CNTNAP2: variants seen among roughly 807,000 people sequenced by gnomAD.
CNTNAP2 encodes contactin-associated protein-like 2.
In CNTNAP2, 98 loss-of-function variants were observed where a neutral mutation model predicts 155.2. The observed-to-expected ratio is 0.63, with a 90% CI of 0.54 to 0.75. The LOEUF (loss-of-function observed/expected upper bound fraction) is 0.75, where lower values mean the gene tolerates loss of function less well. Among genes scored for constraint, CNTNAP2 ranks in the 30% least tolerant of loss-of-function variants. The pLI is 0.00. For synonymous variants in CNTNAP2, 651 were observed against 631.2 expected, an observed-to-expected ratio of 1.03 and a Z score of -0.47; for missense variants, 1,727 against 1,688.1, an observed-to-expected ratio of 1.02 and a Z score of -0.40.
intron 9 of CNTNAP2, among the ~76,000 whole-genome samples, chr7:147,341,697 T>G (rs1795766114): frequency 6.6e-6 from 1 of 151,798 alleles, no homozygotes; most frequent in Admixed American, 6.6e-5. Context: ...TGATGATTTT[T>G]TTTTTAATAT....
chr7:146,935,804 T>C (rs536186433), intron 3 of CNTNAP2, among the ~76,000 whole-genome samples: 68 of 152,290 alleles, frequency 4.5e-4, no homozygotes, highest in African/African-American at 1.6e-3. Flanking sequence ...GACTACTTAA[T>C]CAAGCGAGTA....
intron 21 of CNTNAP2, among the ~76,000 whole-genome samples, chr7:148,351,057 T>G (rs1798416689): frequency 6.6e-6 from 1 of 152,186 alleles, no homozygotes; most frequent in Admixed American, 6.5e-5. Flanking sequence ...TCAGGGGGCT[T>G]CTTATTCGTG....
chr7:147,607,131 G>A (rs939786434), intron 12 of CNTNAP2, among the ~76,000 whole-genome samples: 4 of 152,110 alleles, frequency 2.6e-5, no homozygotes, highest in African/African-American at 4.8e-5. Flanking sequence ...TCCTCACAAT[G>A]GGGGCTGCTG....
At chr7:146,226,822 T>G (rs2116906141) in intron 1 of CNTNAP2, among the ~76,000 whole-genome samples, 1 of 152,166 alleles carries the variant, frequency 6.6e-6, no homozygotes, top group South Asian at 2.1e-4. Context: ...GAGGGGAAAT[T>G]TTTAATTAAG....
chr7:147,426,117 G>C (rs776507367), intron 10 of CNTNAP2, among the ~76,000 whole-genome samples: 27 of 151,782 alleles, frequency 1.8e-4, no homozygotes, highest in Non-Finnish European at 3.1e-4. Context: ...GTCAGTAATA[G>C]GGCTGAATAT....
intron 15 of CNTNAP2, 165 bp downstream of exon 15, chr7:147,978,154 G>C (rs1801463730): frequency 5.3e-6 from 5 of 951,486 alleles, no homozygotes; most frequent in South Asian, 1.4e-5. Flanking sequence ...CAGCCATAAA[G>C]CCTCCAGTAC....
intron 13 of CNTNAP2, among the ~76,000 whole-genome samples, chr7:147,869,785 G>T (rs1011851171): frequency 1.3e-5 from 2 of 152,130 alleles, no homozygotes; most frequent in South Asian, 2.1e-4. Flanking sequence ...CAGATAATAA[G>T]TTTGTGCCAA....
chr7:146,163,585 C>CTATCTATATATATATATATATATATA (rs1354076042), intron 1 of CNTNAP2, among the ~76,000 whole-genome samples: 6 of 91,224 alleles, frequency 6.6e-5, no homozygotes, highest in African/African-American at 2.4e-4. Context: ...ATCTATCTAT[C>CTATCTATATATATATATATATATATA]TATATATATA....
chr7:146,617,748 A>T (rs1799250024), intron 1 of CNTNAP2, among the ~76,000 whole-genome samples: 1 of 152,222 alleles, frequency 6.6e-6, no homozygotes, highest in Non-Finnish European at 1.5e-5. Flanking sequence ...AATAGTGACT[A>T]AAGTGAAACA....
chr7:146,155,717 G>A (rs533130574), intron 1 of CNTNAP2, among the ~76,000 whole-genome samples: 10 of 142,378 alleles, frequency 7.0e-5, no homozygotes, highest in Non-Finnish European at 1.3e-4. Context: ...ATTATTATTC[G>A]AAATGGAGTC....
chr7:147,807,341 A>G (rs1054808684), intron 13 of CNTNAP2, among the ~76,000 whole-genome samples: 1 of 150,716 alleles, frequency 6.6e-6, no homozygotes, highest in Admixed American at 6.6e-5. Context: ...AAAAAAAAAA[A>G]AAAACGAAAA....
At chr7:147,696,582 T>C (rs1796164902) in intron 13 of CNTNAP2, among the ~76,000 whole-genome samples, 1 of 152,128 alleles carries the variant, frequency 6.6e-6, no homozygotes, top group South Asian at 2.1e-4. Context: ...GTGTCTTCCC[T>C]TAATCATTCT....
chr7:148,063,471 T>A (rs1356709701), intron 15 of CNTNAP2, among the ~76,000 whole-genome samples: 3 of 151,932 alleles, frequency 2.0e-5, no homozygotes, highest in Non-Finnish European at 4.4e-5. Flanking sequence ...GTAGCTTTTT[T>A]TTCCTCTGTT....
At chr7:147,787,622 G>A (rs879463583) in intron 13 of CNTNAP2, among the ~76,000 whole-genome samples, 10 of 152,148 alleles carry the variant, frequency 6.6e-5, no homozygotes, top group Non-Finnish European at 1.0e-4. Flanking sequence ...AGTATGAGGA[G>A]GTAATTTTTT....
At chr7:146,861,603 G>T (rs1302062149) in intron 3 of CNTNAP2, among the ~76,000 whole-genome samples, 1 of 151,776 alleles carries the variant, frequency 6.6e-6, no homozygotes. Context: ...CTCTTAGCAG[G>T]GGGTAACCAT....
intron 11 of CNTNAP2, among the ~76,000 whole-genome samples, chr7:147,527,195 T>G (rs1232448554): frequency 2.0e-5 from 3 of 151,786 alleles, no homozygotes; most frequent in Non-Finnish European, 4.4e-5. Context: ...GCTAATTTTC[T>G]TGTATTTTTA....
intron 15 of CNTNAP2, among the ~76,000 whole-genome samples, chr7:148,094,249 T>C (rs1803913221): frequency 6.6e-6 from 1 of 152,244 alleles, no homozygotes; most frequent in South Asian, 2.1e-4. Context: ...TATTTTTTAA[T>C]GTTTTGTGAA....
chr7:147,931,282 GA>G (rs1276096076), intron 14 of CNTNAP2, among the ~76,000 whole-genome samples: 3 of 148,588 alleles, frequency 2.0e-5, no homozygotes, highest in South Asian at 2.1e-4. Context: ...AAAAAAAAGA[GA>G]AAAAAACTCA....
At position 146,155,292 on chromosome 7, in the gene CNTNAP2, G is replaced by A. The variant is rs556938951; in HGVS notation, c.97+38319G>A. Among the ~76,000 whole-genome samples the A allele has an allele frequency of 8.5e-5, 13 of 152,210 alleles. No individual in the cohort carries two copies. The East Asian group carries it at 2.5e-3, about 29-fold the overall frequency. On this transcript the variant is annotated intron_variant, in intron 1 of 23. Coordinates refer to ENST00000361727, the MANE Select transcript of CNTNAP2 (RefSeq NM_014141.6). The stretch of plus-strand genomic sequence containing the variant: ...ACCGATACTAGTTTTGTTGTTTAAG[G>A]CATTTAATCTAAGTTGACTTCCCCA...
Sources: gnomAD v4.1 joint callset for allele counts (sites outside exome capture counted in the v4.1 genomes callset) on GRCh38, gnomAD v4.1.1 for gene constraint, MANE v1.5 for transcripts, NCBI Gene and HGNC (gene_info 2026-07-23, HGNC 2026-07-21) for gene names.